SAMMSON: variants seen among roughly 807,000 people sequenced by gnomAD.
SAMMSON encodes the protein long intergenic non-protein coding RNA 1212.
At chr3:70,328,214 G>T (rs993498013) in intron 7 of SAMMSON, among the ~76,000 whole-genome samples, 13 of 152,128 alleles carry the variant, frequency 8.5e-5, no homozygotes, top group African/African-American at 3.1e-4. Context: ...GGAATTATGG[G>T]AGCTACAATT....
chr3:70,166,491 T>G (rs903874533), intron 4 of SAMMSON, among the ~76,000 whole-genome samples: 4 of 151,978 alleles, frequency 2.6e-5, no homozygotes, highest in Admixed American at 2.0e-4. Flanking sequence ...AAGAACAAGA[T>G]AACACAATAG....
chr3:70,077,581 C>T (rs866520516), intron 4 of SAMMSON, among the ~76,000 whole-genome samples: 15 of 151,876 alleles, frequency 9.9e-5, no homozygotes, highest in Admixed American at 2.0e-4. Flanking sequence ...TATGATAGTT[C>T]GTAATTACAT....
intron 4 of SAMMSON, among the ~76,000 whole-genome samples, chr3:70,082,852 C>T (rs1012677999): frequency 6.6e-6 from 1 of 152,186 alleles, no homozygotes; most frequent in African/African-American, 2.4e-5. Flanking sequence ...CTAACAGCCC[C>T]ATGAGATAGA....
At chr3:70,272,093 C>A (rs968509215) in intron 6 of SAMMSON, 11 of 152,204 alleles carry the variant, frequency 7.2e-5, no homozygotes, top group Non-Finnish European at 1.3e-4. Flanking sequence ...GAAATAACAA[C>A]AATCCCCAAA....
intron 7 of SAMMSON, among the ~76,000 whole-genome samples, chr3:70,293,671 T>C (rs529468962): frequency 6.6e-6 from 1 of 152,212 alleles, no homozygotes; most frequent in South Asian, 2.1e-4. Context: ...TTCCTTCCAT[T>C]TTCTCTTTCC....
At chr3:70,208,111 A>G (rs960249130) in intron 4 of SAMMSON, among the ~76,000 whole-genome samples, 1 of 152,086 alleles carries the variant, frequency 6.6e-6, no homozygotes, top group Non-Finnish European at 1.5e-5. Flanking sequence ...TGGTGCAGTT[A>G]GCTTATAACT....
At chr3:70,006,429 G>A (rs547927668) in intron 1 of SAMMSON, among the ~76,000 whole-genome samples, 1 of 152,280 alleles carries the variant, frequency 6.6e-6, no homozygotes, top group South Asian at 2.1e-4. Flanking sequence ...GCCTTATAAA[G>A]TTTGGCGAAG....
At chr3:70,204,311 TC>T (rs200664449) in intron 4 of SAMMSON, among the ~76,000 whole-genome samples, 2,718 of 152,258 alleles carry the variant, frequency 0.018, 86 homozygotes, top group African/African-American at 0.06. Flanking sequence ...TGACCCCAGC[TC>T]TCAATTTCTG....
At chr3:70,123,368 G>A (rs2067442995) in intron 4 of SAMMSON, among the ~76,000 whole-genome samples, 1 of 152,174 alleles carries the variant, frequency 6.6e-6, no homozygotes, top group Non-Finnish European at 1.5e-5. Context: ...CCGAGCTCAG[G>A]CAATTGATTC....
At chr3:70,046,808 A>C (rs1192158939) in intron 3 of SAMMSON, among the ~76,000 whole-genome samples, 1 of 152,058 alleles carries the variant, frequency 6.6e-6, no homozygotes, top group Non-Finnish European at 1.5e-5. Flanking sequence ...CTGCTTCTAG[A>C]AGTGGCCCAC....
intron 4 of SAMMSON, among the ~76,000 whole-genome samples, chr3:70,086,399 G>C (rs1210402206): frequency 3.9e-5 from 6 of 152,238 alleles, no homozygotes; most frequent in Non-Finnish European, 5.9e-5. Context: ...AGTAATGAAA[G>C]TAAAATAAAA....
intron 3 of SAMMSON, among the ~76,000 whole-genome samples, chr3:70,044,695 A>T (rs1235661801): frequency 6.6e-6 from 1 of 151,822 alleles, no homozygotes; most frequent in Non-Finnish European, 1.5e-5. Flanking sequence ...CACAAATAAA[A>T]CAAAAACTGG....
chr3:70,162,218 T>C (rs996365389), intron 4 of SAMMSON, among the ~76,000 whole-genome samples: 4 of 151,900 alleles, frequency 2.6e-5, no homozygotes, highest in African/African-American at 9.7e-5. Flanking sequence ...GATCTTAAGA[T>C]GTAAGATTAG....
At position 70,366,435 on chromosome 3, in the gene SAMMSON, G is replaced by A. The variant is rs1359033061; in HGVS notation, n.913+8111G>A. ...CGTTGGCTTCATTAAACTTATTAAC[G>A]TATATTGGTGATTCTTCCATGTCTG... On this transcript the variant is annotated intron_variant and non_coding_transcript_variant, in intron 9 of 9. Coordinates refer to ENST00000642114, the Ensembl canonical transcript of SAMMSON. 3.4e-5 allele frequency among the ~76,000 whole-genome samples: 5 copies of A among 146,496 alleles called. No homozygotes were observed. In the East Asian group the frequency reaches 7.9e-4, roughly 23 times the overall value.
At chr3:70,126,313 C>A (rs9843823) in intron 4 of SAMMSON, 2 of 1,184,598 alleles carry the variant, frequency 1.7e-6, no homozygotes, top group South Asian at 1.3e-5. Context: ...TGATCTTGCT[C>A]TTTTGCAAAT....
chr3:70,261,947 A>T (rs1575609360), intron 6 of SAMMSON, among the ~76,000 whole-genome samples: 1 of 151,914 alleles, frequency 6.6e-6, no homozygotes, highest in Admixed American at 6.6e-5. Flanking sequence ...AAGCCCTTGA[A>T]CTCTGCCCTG....
At chr3:70,097,793 A>C (rs1439246482) in intron 4 of SAMMSON, among the ~76,000 whole-genome samples, 2 of 152,204 alleles carry the variant, frequency 1.3e-5, no homozygotes, top group East Asian at 3.8e-4. Context: ...CCCTATATTC[A>C]TCTCAAAACC....
intron 3 of SAMMSON, among the ~76,000 whole-genome samples, chr3:70,050,338 C>T (rs1311512421): frequency 6.6e-6 from 1 of 152,122 alleles, no homozygotes; most frequent in Non-Finnish European, 1.5e-5. Flanking sequence ...CATCTCACAA[C>T]CCCACCCAGG....
intron 4 of SAMMSON, among the ~76,000 whole-genome samples, chr3:70,242,462 T>A (rs1374316753): frequency 1.3e-5 from 2 of 152,172 alleles, no homozygotes; most frequent in Non-Finnish European, 2.9e-5. Flanking sequence ...CCCATGACCA[T>A]CCTTTGGGGC....
Sources: allele counts gnomAD v4.1 joint callset (sites outside exome capture counted in the v4.1 genomes callset), GRCh38; gene constraint gnomAD v4.1.1; transcripts MANE v1.5; gene names NCBI Gene and HGNC (gene_info 2026-07-23, HGNC 2026-07-21).